Variants in CNPY4 observed in about 807,000 individuals in gnomAD.
CNPY4 encodes the protein canopy FGF signaling regulator 4.
Under a neutral mutation model 30.1 loss-of-function variants are expected in CNPY4, and 33 were observed. The observed-to-expected ratio is 1.10, with a 90% confidence interval of 0.83 to 1.46. The LOEUF is 1.46. CNPY4 is among the 40% of genes most tolerant of loss of function. The pLI, the probability that CNPY4 is intolerant of heterozygous loss-of-function variation, is 0.00. For synonymous variants in CNPY4, 109 were observed against 110.1 expected (o/e 0.99, Z 0.06); for missense variants, 324 against 302.6 (o/e 1.07, Z -0.52).
In CNPY4 at chr7:100,122,829, G is replaced by T; in HGVS notation, c.388G>T (p.Gly130Trp). The T allele has an allele frequency of 1.2e-6, 2 of 1,614,022 alleles. No homozygotes were observed. Among genetic ancestry groups the T allele is most frequent in the East Asian group, 2.2e-5 (1 of 44,886 alleles). ...MATLKGLVQK[G>W]VKVDLGIPLE... is the part of the protein sequence containing the mutation. ...AACACTGAAAGGCCTAGTGCAGAAG[G>T]GGGTGAAGGTGGATCTGGGGATCCC... Residue 130 changes from glycine (G) to tryptophan (W), a missense_variant, in exon 4 of 6, where the codon GGG (glycine) becomes TGG (tryptophan). By Grantham distance (184) the Gly-to-Trp change is radical. Transcript: ENST00000262932.
Position 100,119,876 on chromosome 7 carries a change from G to T in CNPY4, c.118+14G>T. The T allele has an allele frequency of 1.9e-6, 3 of 1,605,148 alleles. No homozygotes were observed. The highest frequency in any genetic ancestry group is 2.6e-6 in the Non-Finnish European group (3 of 1,174,886). On this transcript the variant is annotated intron_variant, in intron 1 of 5. Transcript: ENST00000262932. ...GCAAATGCGAAGGTATTTGAAGGGG[G>T]TAGCCCCTATAGGCATCGCCCGGCC... is the stretch of plus-strand genomic sequence containing the variant.
rs569357706 is a variant in CNPY4, at chr7:100,122,777, C to G, written c.343-7C>G. ...GCTGGGCTGATGCCAAATTCTTAATCTCTCAGGGTCAGAGTCAGACCATGG... is the reference window on the plus strand; with the variant it reads ...GCTGGGCTGATGCCAAATTCTTAATGTCTCAGGGTCAGAGTCAGACCATGG... On this transcript the variant is annotated splice_region_variant and splice_polypyrimidine_tract_variant and intron_variant, in intron 3 of 5. Transcript: ENST00000262932. The G allele has an allele frequency of 6.2e-7, 1 of 1,609,222 alleles. No homozygotes were observed. Among genetic ancestry groups the G allele is most frequent in the Non-Finnish European group, 8.5e-7 (1 of 1,177,622 alleles).
rs761948924 is a variant in CNPY4, at chr7:100,124,886, T to C, written c.745T>C (p.Ter249ArgextTer17). The C allele has an allele frequency of 1.0e-5, 16 of 1,588,526 alleles. No homozygotes were observed. The Admixed American group carries it at 2.3e-4, about 23-fold the overall frequency. The part of the protein sequence containing the change: ...SHPKLDREDL[*>R] Reference sequence around the variant, plus strand: ...CCCCAAACTTGACCGAGAAGATCTTTGACCCTTGCCTTTGAGCCCCCAGGA... The same window carrying C: ...CCCCAAACTTGACCGAGAAGATCTTCGACCCTTGCCTTTGAGCCCCCAGGA... Residue 249 changes from the stop codon to arginine (R), a stop_lost, in exon 6 of 6, where the codon TGA becomes CGA. Coordinates refer to ENST00000262932, the MANE Select transcript of CNPY4 (RefSeq NM_152755.2).
At position 100,121,349 on chromosome 7, in the gene CNPY4, G is replaced by C. The variant is rs1271590173; in HGVS notation, c.119-910G>C. ...AGACAAGGTTTCACTATGTTGGCCAGGATGGTCTCAATCTCTTGACCTCGT... is the reference window on the plus strand; with the variant it reads ...AGACAAGGTTTCACTATGTTGGCCACGATGGTCTCAATCTCTTGACCTCGT... On this transcript the variant is annotated intron_variant, in intron 1 of 5. Coordinates refer to ENST00000262932, the MANE Select transcript of CNPY4 (RefSeq NM_152755.2). 9.9e-5 allele frequency: 15 copies of C among 151,404 alleles called. 1 individual carries two copies. Among genetic ancestry groups the C allele is most frequent in the Non-Finnish European group, 1.6e-4 (11 of 67,892 alleles). The allele number at this position is 151,404 out of a possible 1,614,324, so 9.4% of individuals were successfully genotyped here.
intron 4 of CNPY4, 106 bp from the exon 5 acceptor site, chr7:100,124,407 TG>T: frequency 1.2e-6 from 1 of 812,452 alleles, no homozygotes; most frequent in Non-Finnish European, 2.1e-6. Flanking sequence ...CTTAGCTTCC[TG>T]GCTACCTGCC....
At position 100,122,567 on chromosome 7, in the gene CNPY4, G is replaced by C; in HGVS notation, c.332G>C (p.Arg111Thr). The C allele has an allele frequency of 6.2e-7, 1 of 1,609,054 alleles. No individual in the cohort carries two copies. The highest frequency in any genetic ancestry group is 2.2e-5 in the East Asian group (1 of 44,838). ...SVHAERKGSL[R>T]YAKGQSQTMA... is the part of the protein sequence containing the mutation. ...CACGCTGAGCGCAAGGGCTCACTGA[G>C]ATATGCCAAGGTCAGACCCTTCCCC... The change falls in exon 3 of 6, where the codon AGA (arginine) becomes ACA (threonine). Residue 111 changes from arginine (R) to threonine (T), a missense_variant. Coordinates refer to ENST00000262932, the MANE Select transcript of CNPY4 (RefSeq NM_152755.2).
At position 100,122,336 on chromosome 7, in the gene CNPY4, C is replaced by A. The variant is rs148615650; in HGVS notation, c.196C>A (p.Gln66Lys). 6.6e-4 allele frequency: 1,072 copies of A among 1,614,074 alleles called. 5 individuals carry two copies. In the African/African-American group the frequency reaches 0.013, roughly 19 times the overall value. Residue 66 changes from glutamine to lysine, a missense_variant, in exon 2 of 6, where the codon CAG (glutamine) becomes AAG (lysine). By Grantham distance (53) the Gln-to-Lys change is moderately conservative. Coordinates refer to ENST00000262932, the MANE Select transcript of CNPY4 (RefSeq NM_152755.2). ...ATCTCGAGAGGTGCTGGAGCTGGGG[C>A]AGGTGCTGGATACAGGCAAGAGGAA... ...GRSREVLELGQVLDTGKRKRH... is the reference protein window; with the variant it reads ...GRSREVLELGKVLDTGKRKRH...
intron 1 of CNPY4, among the ~76,000 whole-genome samples, chr7:100,121,886 T>TA (rs200376650): frequency 0.35 from 53,125 of 150,636 alleles, 9,601 homozygotes; most frequent in Non-Finnish European, 0.38. Flanking sequence ...CTGTCTCTAC[T>TA]AAAAATACAA....
At chr7:100,122,690 G>A (rs1798108488) in intron 3 of CNPY4, 94 bp from the exon 4 acceptor site, 7 of 1,528,308 alleles carry the variant, frequency 4.6e-6, no homozygotes, top group African/African-American at 2.7e-5. Context: ...ACTCACCCTT[G>A]AATCTCCAGT....
intron 1 of CNPY4, among the ~76,000 whole-genome samples, chr7:100,121,772 C>T (rs532118894): frequency 2.7e-4 from 40 of 148,418 alleles, no homozygotes; most frequent in South Asian, 7.1e-4. Context: ...AGAAACCGGC[C>T]GGGCGTGGTG....
intron 4 of CNPY4, 172 bp from the exon 5 acceptor site, chr7:100,124,342 A>G (rs1280283122): frequency 3.4e-6 from 2 of 580,920 alleles, no homozygotes; most frequent in African/African-American, 1.9e-5. Context: ...TTGGCAGAAT[A>G]GGTGCTGGTA....
rs1395898317 is a variant in CNPY4, at chr7:100,119,823, G to T, written c.79G>T (p.Glu27Ter). Residue 27 changes from glutamate (E) to a stop codon, truncating the protein, a stop_gained, in exon 1 of 6, where the codon GAG (glutamate) becomes TAG (stop). Transcript: ENST00000262932. LOFTEE classifies it high-confidence loss of function. The part of the protein sequence containing the change: ...HEAWAGMLKE[E>*]DDDTERLPSK... ...GGCTTGGGCTGGGATGTTGAAGGAG[G>T]AGGACGATGACACAGAACGCTTGCC... 6 of 1,614,034 alleles carry T rather than the reference G, an allele frequency of 3.7e-6. No individual in the cohort carries two copies. The highest frequency in any genetic ancestry group is 5.1e-6 in the Non-Finnish European group (6 of 1,179,994).
rs1011130501 is a variant in CNPY4, at chr7:100,125,383, C to G, written c.*495C>G. ...GACACTGGGTCATGGCCTGGAGTTG[C>G]TGATAATTTAGGTGGGATAGATACT... On this transcript the variant is annotated 3_prime_UTR_variant, in exon 6 of 6. Transcript: ENST00000262932. 1 of 156,298 alleles carries G rather than the reference C, an allele frequency of 6.4e-6. No individual in the cohort carries two copies. The highest frequency in any genetic ancestry group is 1.4e-5 in the Non-Finnish European group (1 of 70,570). The allele number at this position is 156,298 out of a possible 1,614,324, so 9.7% of individuals were successfully genotyped here.
rs1369060115 is a variant in CNPY4 at position 100,124,553 on chromosome 7, G to A, written c.505G>A (p.Asp169Asn). ...GGAGGAGTTTGAAGACATTGTGGGA[G>A]ACTGGTACTTCCACCATCAGGAGCA... ...MLEEFEDIVG[D>N]WYFHHQEQPL... Residue 169 changes from aspartate to asparagine, a missense_variant, in exon 5 of 6, where the codon GAC becomes AAC. Asp to Asn is a conservative substitution (Grantham distance 23). Coordinates refer to ENST00000262932, the MANE Select transcript of CNPY4 (RefSeq NM_152755.2). 11 of 1,612,800 alleles carry A rather than the reference G, an allele frequency of 6.8e-6. No individual in the cohort carries two copies. Among genetic ancestry groups the A allele is most frequent in the Non-Finnish European group, 9.3e-6 (11 of 1,179,816 alleles).
At chr7:100,121,111 T>TATATATATATATATAC (rs1562938270) in intron 1 of CNPY4, 4 of 35,348 alleles carry the variant, frequency 1.1e-4, no homozygotes, top group Non-Finnish European at 2.2e-4. Context: ...TATATATATA[T>TATATATATATATATAC]ATATATTTTT....
At chr7:100,121,116 A>ATATACATATAT (rs1584585316) in intron 1 of CNPY4, 8 of 52,796 alleles carry the variant, frequency 1.5e-4, no homozygotes, top group Non-Finnish European at 2.2e-4. Flanking sequence ...ATATATATAT[A>ATATACATATAT]TTTTTTTTTT....
intron 4 of CNPY4, 164 bp from the exon 5 acceptor site, chr7:100,124,350 G>T: frequency 1.7e-6 from 1 of 595,014 alleles, no homozygotes; most frequent in Non-Finnish European, 3.0e-6. Flanking sequence ...ATAGGTGCTG[G>T]TAAATGTTTG....
intron 1 of CNPY4, among the ~76,000 whole-genome samples, chr7:100,121,880 C>T (rs991546587): frequency 7.7e-6 from 1 of 130,560 alleles, no homozygotes; most frequent in Non-Finnish European, 1.7e-5. Flanking sequence ...GAAACCCTGT[C>T]TCTACTAAAA....
At chr7:100,121,116 A>ATATATATATATATATAT (rs1584585316) in intron 1 of CNPY4, 1 of 52,800 alleles carries the variant, frequency 1.9e-5, no homozygotes, top group African/African-American at 9.7e-5. Context: ...ATATATATAT[A>ATATATATATATATATAT]TTTTTTTTTT....
Sources: allele counts gnomAD v4.1 joint callset (sites outside exome capture counted in the v4.1 genomes callset), GRCh38; gene constraint gnomAD v4.1.1; transcripts MANE v1.5; gene names NCBI Gene and HGNC (gene_info 2026-07-23, HGNC 2026-07-21).